The following RBFOX1 variants were observed in gnomAD, a reference collection of about 807,000 sequenced individuals.
RBFOX1 encodes RNA binding fox-1 homolog 1.
Under a neutral mutation model 57.7 loss-of-function variants are expected in RBFOX1, and 8 were observed. That is an observed-to-expected ratio of 0.14 (90% CI 0.08 to 0.25). The LOEUF (loss-of-function observed/expected upper bound fraction) is 0.25, where lower values mean the gene tolerates loss of function less well. Among genes scored for constraint, RBFOX1 ranks in the 10% least tolerant of loss-of-function variants. The pLI is 1.00. For missense variants in RBFOX1, 611 were observed against 548.5 expected (o/e 1.11, Z -1.14); for synonymous variants, 326 against 222.4 (o/e 1.47, Z -4.15).
intron 4 of RBFOX1, among the ~76,000 whole-genome samples, chr16:7,096,516 G>A (rs2061719988): frequency 1.3e-5 from 2 of 152,062 alleles, no homozygotes; most frequent in South Asian, 4.2e-4. Context: ...AAGTTTTGAG[G>A]CCAATTTTCT....
chr16:7,492,396 A>T (rs2067223965), intron 4 of RBFOX1, among the ~76,000 whole-genome samples: 1 of 152,190 alleles, frequency 6.6e-6, no homozygotes, highest in South Asian at 2.1e-4. Context: ...ACAAGGGATC[A>T]GATACTTCCC....
intron 3 of RBFOX1, among the ~76,000 whole-genome samples, chr16:6,712,122 A>G (rs1038249632): frequency 6.6e-6 from 1 of 152,186 alleles, no homozygotes; most frequent in African/African-American, 2.4e-5. Context: ...CTTAACAAAT[A>G]TTTATTGAAT....
At chr16:7,082,583 A>C (rs760070436) in intron 4 of RBFOX1, among the ~76,000 whole-genome samples, 2 of 151,934 alleles carry the variant, frequency 1.3e-5, no homozygotes, top group African/African-American at 4.8e-5. Flanking sequence ...AATAAAAATT[A>C]AAAAAAGAAG....
At position 7,003,391 on chromosome 16, in the gene RBFOX1, C is replaced by T. The variant is rs1213125103; in HGVS notation, c.-15-48666C>T. ...AAGAGAATCACTTAGACCTGGGAGG[C>T]GGAGGTTGCACTGAGCAGAGATTGC... On this transcript the variant is annotated intron_variant, in intron 3 of 15. Coordinates refer to ENST00000550418, the MANE Select transcript of RBFOX1 (RefSeq NM_018723.4). Among the ~76,000 whole-genome samples the T allele has an allele frequency of 2.7e-5, 4 of 150,732 alleles. No individual in the cohort carries two copies. The East Asian group carries it at 5.9e-4, about 22-fold the overall frequency.
intron 4 of RBFOX1, among the ~76,000 whole-genome samples, chr16:5,900,609 C>G (rs142493908): frequency 6.6e-6 from 1 of 152,166 alleles, no homozygotes; most frequent in Non-Finnish European, 1.5e-5. Context: ...CCGTATTCTT[C>G]CCAGGCCATC....
At position 5,903,365 on chromosome 16, in the gene RBFOX1, A is replaced by T. The variant is rs191749349; in HGVS notation, c.351+36030A>T. Among the ~76,000 whole-genome samples, 15 of 152,242 alleles carry T rather than the reference A, an allele frequency of 9.9e-5. No individual in the cohort carries two copies. The East Asian group carries it at 2.5e-3, about 25-fold the overall frequency. On this transcript the variant is annotated intron_variant, in intron 4 of 19. Coordinates refer to the RBFOX1 transcript ENST00000641259. ...TGAGAAGTCATGCGTGACTATGCCT[A>T]TTCTTCCTGACACTTCCTATTACTC...
intron 1 of RBFOX1, among the ~76,000 whole-genome samples, chr16:6,145,815 G>A (rs1422740397): frequency 6.6e-6 from 1 of 152,140 alleles, no homozygotes; most frequent in African/African-American, 2.4e-5. Flanking sequence ...AAGCCAACCA[G>A]ACTTTGTAAT....
At chr16:6,894,031 T>C (rs1475821490) in intron 3 of RBFOX1, among the ~76,000 whole-genome samples, 1 of 152,188 alleles carries the variant, frequency 6.6e-6, no homozygotes, top group African/African-American at 2.4e-5. Context: ...GACAGCTCTT[T>C]ATATGGGTTT....
At chr16:5,314,608 C>G (rs1223838451) in intron 1 of RBFOX1, among the ~76,000 whole-genome samples, 1 of 152,086 alleles carries the variant, frequency 6.6e-6, no homozygotes, top group African/African-American at 2.4e-5. Context: ...TGAAGTGATC[C>G]TCCTTTCTCA....
At chr16:7,444,523 C>T (rs2098793782) in intron 4 of RBFOX1, among the ~76,000 whole-genome samples, 1 of 152,064 alleles carries the variant, frequency 6.6e-6, no homozygotes, top group Non-Finnish European at 1.5e-5. Flanking sequence ...TGACTGGGTT[C>T]TGATTGGCTT....
chr16:5,448,010 A>G (rs2068303505), intron 1 of RBFOX1, among the ~76,000 whole-genome samples: 1 of 152,106 alleles, frequency 6.6e-6, no homozygotes, highest in African/African-American at 2.4e-5. Context: ...CTGTTTAATT[A>G]ATTGAATCTG....
At chr16:6,268,637 A>G (rs1371303230) in intron 1 of RBFOX1, among the ~76,000 whole-genome samples, 1 of 152,226 alleles carries the variant, frequency 6.6e-6, no homozygotes, top group Non-Finnish European at 1.5e-5. Flanking sequence ...TGCATCGAAC[A>G]GTTATTATAT....
intron 14 of RBFOX1, among the ~76,000 whole-genome samples, chr16:7,708,460 G>A (rs1278949576): frequency 6.6e-6 from 1 of 151,924 alleles, no homozygotes; most frequent in Non-Finnish European, 1.5e-5. Flanking sequence ...TGTGACAGAA[G>A]TTCTGGAATA....
At chr16:5,871,295 G>T (rs888211475) in intron 4 of RBFOX1, among the ~76,000 whole-genome samples, 2 of 152,166 alleles carry the variant, frequency 1.3e-5, no homozygotes, top group African/African-American at 4.8e-5. Flanking sequence ...CTGGCCCTTT[G>T]TCCCCAAGCA....
intron 4 of RBFOX1, among the ~76,000 whole-genome samples, chr16:7,500,296 G>A (rs1532924): frequency 0.083 from 12,576 of 152,188 alleles, 621 homozygotes; most frequent in East Asian, 0.14. Flanking sequence ...TTTCAATTCT[G>A]TGAACATACT....
chr16:7,657,487 T>C (rs2066599916), intron 12 of RBFOX1, among the ~76,000 whole-genome samples: 2 of 152,168 alleles, frequency 1.3e-5, no homozygotes, highest in African/African-American at 2.4e-5. Context: ...GCATTTTTAA[T>C]AGAGATGGGG....
intron 3 of RBFOX1, among the ~76,000 whole-genome samples, chr16:5,677,086 C>T (rs1293632704): frequency 6.6e-6 from 1 of 152,154 alleles, no homozygotes; most frequent in African/African-American, 2.4e-5. Context: ...GTGGGAAGTT[C>T]TTGCTCAGTC....
At chr16:5,867,640 C>T (rs1231721404) in intron 4 of RBFOX1, among the ~76,000 whole-genome samples, 1 of 152,116 alleles carries the variant, frequency 6.6e-6, no homozygotes, top group Non-Finnish European at 1.5e-5. Context: ...AATGAGACCT[C>T]CACTGTCTGT....
chr16:5,986,889 G>A (rs556739497), intron 4 of RBFOX1, among the ~76,000 whole-genome samples: 10 of 152,286 alleles, frequency 6.6e-5, no homozygotes, highest in Non-Finnish European at 1.3e-4. Context: ...GACAGATGCC[G>A]AAGCGTACAA....
Sources: gnomAD v4.1 joint callset for allele counts (sites outside exome capture counted in the v4.1 genomes callset) on GRCh38, gnomAD v4.1.1 for gene constraint, MANE v1.5 for transcripts, NCBI Gene and HGNC (gene_info 2026-07-23, HGNC 2026-07-21) for gene names.